Variants in POR observed in about 807,000 individuals in gnomAD.
The protein encoded by POR is cytochrome p450 oxidoreductase, also known as NADPH--cytochrome P450 reductase.
Under a neutral mutation model 84.0 loss-of-function variants are expected in POR, and 56 were observed. That is an observed-to-expected ratio of 0.67 (90% CI 0.54 to 0.83). The LOEUF (loss-of-function observed/expected upper bound fraction) is 0.83. Among genes scored for constraint, POR ranks in the 40% least tolerant of loss-of-function variants. The pLI, the probability that POR is intolerant of heterozygous loss-of-function variation, is 0.00. For missense variants in POR, 938 were observed against 944.3 expected (o/e 0.99, Z 0.09); for synonymous variants, 414 against 400.5 (o/e 1.03, Z -0.40).
Position 75,979,784 on chromosome 7 carries a change from G to A in POR, c.366+205G>A, listed in dbSNP as rs1255490961. The A allele has an allele frequency of 9.1e-6, 6 of 655,932 alleles. No homozygotes were observed. In the African/African-American group the frequency reaches 1.1e-4, roughly 12 times the overall value. The allele number at this position is 655,932 out of a possible 1,614,324, so 40.6% of individuals were successfully genotyped here. Reference sequence around the variant, plus strand: ...GCCATTCCTGCAGTTGCAGCCACGTGCCAGGCATCGTTTCCCCAGGACTGG... The same window carrying A: ...GCCATTCCTGCAGTTGCAGCCACGTACCAGGCATCGTTTCCCCAGGACTGG... On this transcript the variant is annotated intron_variant, in intron 4 of 15. Coordinates refer to ENST00000461988, the MANE Select transcript of POR (RefSeq NM_000941.3).
chr7:75,919,685 C>T (rs1806756732), intron 1 of POR, among the ~76,000 whole-genome samples: 1 of 152,150 alleles, frequency 6.6e-6, no homozygotes, highest in South Asian at 2.1e-4. Flanking sequence ...AGCCACCGCG[C>T]CCAGCCCAGT....
chr7:75,936,514 A>G (rs1554550848), intron 1 of POR, among the ~76,000 whole-genome samples: 2 of 152,120 alleles, frequency 1.3e-5, no homozygotes. Flanking sequence ...CTATTAAAGA[A>G]TCCTTAGTGT....
In POR at chr7:75,984,035, T is replaced by A. The variant is rs945408727; in HGVS notation, c.1066+179T>A. 7.9e-5 allele frequency among the ~76,000 whole-genome samples: 12 copies of A among 152,004 alleles called. No homozygotes were observed. The East Asian group carries it at 2.3e-3, about 30-fold the overall frequency. The stretch of plus-strand genomic sequence containing the variant: ...ACGGGAGGCGGGGTGGCCCTAGGGG[T>A]CTAGCCCTCTCTGTCGGGGTTCCCC... On this transcript the variant is annotated intron_variant, in intron 10 of 15. Transcript: ENST00000461988.
intron 1 of POR, among the ~76,000 whole-genome samples, chr7:75,936,747 C>T (rs904980787): frequency 4.6e-4 from 70 of 151,968 alleles, no homozygotes; most frequent in African/African-American, 1.6e-3. Flanking sequence ...AGGCAGAAGC[C>T]GACTTCAGAA....
At chr7:75,937,233 T>A (rs1396275387) in intron 1 of POR, among the ~76,000 whole-genome samples, 33 of 147,908 alleles carry the variant, frequency 2.2e-4, no homozygotes, top group African/African-American at 6.8e-4. Context: ...GGCAGGTGGA[T>A]CAGTTGAGAT....
At chr7:75,955,907 C>T (rs1787665998) in intron 2 of POR, among the ~76,000 whole-genome samples, 1 of 152,220 alleles carries the variant, frequency 6.6e-6, no homozygotes, top group Non-Finnish European at 1.5e-5. Flanking sequence ...TATCAGCCTT[C>T]CCCGCCAGAA....
chr7:75,956,214 G>T (rs187984466), intron 2 of POR, among the ~76,000 whole-genome samples: 1 of 152,120 alleles, frequency 6.6e-6, no homozygotes, highest in Non-Finnish European at 1.5e-5. Flanking sequence ...CAGAAGAATC[G>T]CTTGAACCCA....
At chr7:75,950,238 C>G (rs1327962687) in intron 1 of POR, among the ~76,000 whole-genome samples, 4 of 152,202 alleles carry the variant, frequency 2.6e-5, no homozygotes, top group Non-Finnish European at 5.9e-5. Context: ...TCAGAATTCT[C>G]TTGCGGTGAT....
intron 2 of POR, among the ~76,000 whole-genome samples, chr7:75,956,604 CT>C (rs41295402): frequency 0.021 from 3,243 of 151,802 alleles, 119 homozygotes; most frequent in African/African-American, 0.074. Context: ...AGCACTGCCC[CT>C]GAGGGATAGG....
chr7:75,932,970 C>T (rs1475153314), intron 1 of POR, among the ~76,000 whole-genome samples: 3 of 147,572 alleles, frequency 2.0e-5, no homozygotes, highest in South Asian at 2.1e-4. Context: ...GTGAGCTGAG[C>T]GAGATGGCAC....
Position 75,985,147 on chromosome 7 carries a change from C to T in POR, c.1338C>T (p.His446=), listed in dbSNP as rs1554558914. ...CGTCCCTGCGGCCCCCCATCGACCACCTGTGTGAGCTGCTGCCGCGCCTGC... is the reference window on the plus strand; with the variant it reads ...CGTCCCTGCGGCCCCCCATCGACCATCTGTGTGAGCTGCTGCCGCGCCTGC... Residue 446 remains histidine, a synonymous_variant, in exon 12 of 16, where the codon CAC becomes CAT. Transcript: ENST00000461988. 1 of 1,599,840 alleles carries T rather than the reference C, an allele frequency of 6.3e-7. No homozygotes were observed. Among genetic ancestry groups the T allele is most frequent in the South Asian group, 1.1e-5 (1 of 91,070 alleles).
chr7:75,949,753 C>T (rs1787330884), intron 1 of POR, among the ~76,000 whole-genome samples: 1 of 151,368 alleles, frequency 6.6e-6, no homozygotes, highest in Non-Finnish European at 1.5e-5. Flanking sequence ...CGCCTGACCT[C>T]AGGTGATCCA....
chr7:75,931,556 A>G (rs1480986874), intron 1 of POR, among the ~76,000 whole-genome samples: 1 of 151,688 alleles, frequency 6.6e-6, no homozygotes, highest in Non-Finnish European at 1.5e-5. Flanking sequence ...TTTAGTAGAG[A>G]CGGGGTTTCA....
At chr7:75,953,100 C>T (rs552886064) in intron 1 of POR, among the ~76,000 whole-genome samples, 65 of 152,282 alleles carry the variant, frequency 4.3e-4, no homozygotes, top group Non-Finnish European at 6.9e-4. Flanking sequence ...GAGGATCACT[C>T]GCGGTTAGGA....
At chr7:75,981,846 T>C in intron 7 of POR, 1 of 581,830 alleles carries the variant, frequency 1.7e-6, no homozygotes, top group Non-Finnish European at 3.0e-6. Flanking sequence ...GCTCTGTGGC[T>C]AGGTTCAACT....
intron 1 of POR, among the ~76,000 whole-genome samples, chr7:75,917,367 TTTC>T (rs1198083981): frequency 1.3e-5 from 2 of 150,754 alleles, no homozygotes; most frequent in Non-Finnish European, 2.9e-5. Flanking sequence ...CGTTCCTGGC[TTTC>T]TTATTTCTTC....
In POR at chr7:75,983,729, T is replaced by C; in HGVS notation, c.948-9T>C. ...TTCCGCCCCTCCCGAGCCTCACATC[T>C]CCCTCCAGGTATGAATCTGGGGACC... On this transcript the variant is annotated splice_polypyrimidine_tract_variant and intron_variant, in intron 9 of 15. Transcript: ENST00000461988. 1 of 1,611,174 alleles carries C rather than the reference T, an allele frequency of 6.2e-7. No individual in the cohort carries two copies. The highest frequency in any genetic ancestry group is 8.5e-7 in the Non-Finnish European group (1 of 1,178,872).
rs150843655 is a variant in POR at position 75,977,960 on chromosome 7, A to G, written c.238-1491A>G. 4.3e-3 allele frequency among the ~76,000 whole-genome samples: 656 copies of G among 152,288 alleles called. 6 individuals are homozygous for G. The highest frequency in any genetic ancestry group is 0.015 in the African/African-American group (604 of 41,548). ...CGAATTGGCTGCAACTCCAGCCCCAACGGGCTCTGGGGAATAGGATTTCAG... is the reference window on the plus strand; with the variant it reads ...CGAATTGGCTGCAACTCCAGCCCCAGCGGGCTCTGGGGAATAGGATTTCAG... On this transcript the variant is annotated intron_variant, in intron 3 of 15. Transcript: ENST00000461988.
intron 1 of POR, among the ~76,000 whole-genome samples, chr7:75,930,931 T>A (rs1554550079): frequency 6.6e-6 from 1 of 152,180 alleles, no homozygotes; most frequent in Non-Finnish European, 1.5e-5. Flanking sequence ...CAAGTGATCC[T>A]CTAACCTCAG....
Sources: allele counts gnomAD v4.1 joint callset (sites outside exome capture counted in the v4.1 genomes callset), GRCh38; gene constraint gnomAD v4.1.1; transcripts MANE v1.5; gene names NCBI Gene and HGNC (gene_info 2026-07-23, HGNC 2026-07-21).